The following POU2F2 variants were observed in gnomAD, a reference collection of about 807,000 sequenced individuals.
POU2F2 encodes the protein POU class 2 homeobox 2.
In POU2F2, 14 loss-of-function variants were observed where a neutral mutation model predicts 63.5. The observed-to-expected ratio is 0.22, with a 90% CI of 0.15 to 0.34. The LOEUF (loss-of-function observed/expected upper bound fraction) is 0.34. Ranked by LOEUF, POU2F2 falls within the 10% of genes least tolerant of loss-of-function variation. POU2F2 has a pLI of 1.00. For missense variants in POU2F2, 607 were observed against 815.2 expected (o/e 0.74, Z 3.11); for synonymous variants, 306 against 348.6 (o/e 0.88, Z 1.36).
chr19:42,146,431 T>C (rs1034750299), intron 2 of POU2F2, among the ~76,000 whole-genome samples: 1 of 152,232 alleles, frequency 6.6e-6, no homozygotes. Flanking sequence ...TCTGCCAATA[T>C]GAACCATTCA....
At chr19:42,098,400 G>A (rs1018706259) in intron 7 of POU2F2, among the ~76,000 whole-genome samples, 2 of 140,628 alleles carry the variant, frequency 1.4e-5, no homozygotes, top group East Asian at 2.0e-4. Context: ...GCAACAGAGC[G>A]AGACTCCATC....
chr19:42,147,622 T>A (rs1424757145), intron 2 of POU2F2, among the ~76,000 whole-genome samples: 3 of 152,214 alleles, frequency 2.0e-5, no homozygotes, highest in Non-Finnish European at 4.4e-5. Context: ...CTTAAATGGA[T>A]CCTGCATAGG....
At chr19:42,181,571 CATTTATTTATTT>C (rs143264132) in intron 1 of POU2F2, among the ~76,000 whole-genome samples, 4 of 148,496 alleles carry the variant, frequency 2.7e-5, no homozygotes, top group East Asian at 2.0e-4. Flanking sequence ...TCTGAACATA[CATTTATTTATTT>C]ATTTATTTAT....
intron 4 of POU2F2, among the ~76,000 whole-genome samples, chr19:42,120,547 T>G (rs1600112964): frequency 6.6e-6 from 1 of 152,216 alleles, no homozygotes; most frequent in East Asian, 1.9e-4. Flanking sequence ...TAAGCCTCTT[T>G]TTAATAAGCC....
At position 42,117,087 on chromosome 19, in the gene POU2F2, C is replaced by G; in HGVS notation, c.369+163G>C. 1.5e-6 allele frequency: 1 copy of G among 684,802 alleles called. No individual in the cohort carries two copies. The highest frequency in any genetic ancestry group is 1.8e-5 in the South Asian group (1 of 56,742). 42.4% of individuals were successfully genotyped at this position (684,802 alleles called of 1,614,324 possible). Reference sequence around the variant, plus strand: ...AGGCAGAGAGGGGTTAGTGCCTAAGCCAAGCAAGTAAGGGGACAAGACCTC... The same window carrying G: ...AGGCAGAGAGGGGTTAGTGCCTAAGGCAAGCAAGTAAGGGGACAAGACCTC... On this transcript the variant is annotated intron_variant, in intron 5 of 14. Transcript: ENST00000692977. The surrounding 1 kb of genome is among the most constrained non-coding windows in gnomAD (Gnocchi z 4.4).
At chr19:42,140,603 C>G (rs2034108101) in intron 2 of POU2F2, among the ~76,000 whole-genome samples, 1 of 152,222 alleles carries the variant, frequency 6.6e-6, no homozygotes, top group Non-Finnish European at 1.5e-5. Context: ...TCAAAGGCCA[C>G]TCCTCAGAGA....
chr19:42,159,440 G>A (rs1455000888), intron 2 of POU2F2, among the ~76,000 whole-genome samples: 1 of 152,068 alleles, frequency 6.6e-6, no homozygotes, highest in Non-Finnish European at 1.5e-5. Context: ...GTCCTACAAG[G>A]GCACCCAAAG....
At chr19:42,103,605 A>C (rs954663536) in intron 5 of POU2F2, among the ~76,000 whole-genome samples, 2 of 150,916 alleles carry the variant, frequency 1.3e-5, no homozygotes, top group East Asian at 1.9e-4. Flanking sequence ...TATATAAGCA[A>C]TTCAACAGAA....
chr19:42,089,710 T>TTTTATA lies in POU2F2; in HGVS notation c.*1546_*1547insTATAAA, dbSNP rs1555888544. ...GAAGAGTCCTCATCTTCTTTCCCTT[T>TTTTATA]TATATATATATATATATATATGTTT... On this transcript the variant is annotated 3_prime_UTR_variant, in exon 15 of 15. Coordinates refer to ENST00000692977, the MANE Select transcript of POU2F2 (RefSeq NM_001394376.1). The TTTTATA allele has an allele frequency of 1.4e-5, 2 of 143,712 alleles. No homozygotes were observed. The highest frequency in any genetic ancestry group is 5.1e-5 in the African/African-American group (2 of 39,464). The allele number at this position is 143,712 out of a possible 1,614,324, so 8.9% of individuals were successfully genotyped here.
intron 5 of POU2F2, chr19:42,116,905 G>A: frequency 2.0e-6 from 1 of 509,884 alleles, no homozygotes; most frequent in South Asian, 1.5e-5. Context: ...AGCGGCGTTA[G>A]CGGCAGCGGC....
At chr19:42,165,636 C>T (rs2034635195) in intron 1 of POU2F2, among the ~76,000 whole-genome samples, 1 of 152,164 alleles carries the variant, frequency 6.6e-6, no homozygotes, top group African/African-American at 2.4e-5. Flanking sequence ...ACTGTGTGGC[C>T]CTGGGCAAGT....
intron 5 of POU2F2, among the ~76,000 whole-genome samples, chr19:42,107,582 A>G (rs927616553): frequency 6.6e-6 from 1 of 152,192 alleles, no homozygotes; most frequent in African/African-American, 2.4e-5. Flanking sequence ...TCTTGGTGAC[A>G]AAGTCTCAGT....
intron 5 of POU2F2, among the ~76,000 whole-genome samples, chr19:42,111,517 G>A (rs139636979): frequency 1.3e-5 from 2 of 152,130 alleles, no homozygotes; most frequent in East Asian, 3.9e-4. Context: ...GTTCCCATGT[G>A]GATGATTAAT....
chr19:42,175,920 A>ATTCCCACCACCCAGCCCTTTCTCG (rs2034865012), intron 1 of POU2F2: 1 of 150,760 alleles, frequency 6.6e-6, no homozygotes, highest in Non-Finnish European at 1.5e-5. Context: ...CTCACCCCTC[A>ATTCCCACCACCCAGCCCTTTCTCG]TTCCCACCAC....
chr19:42,141,668 C>T (rs916679913), intron 2 of POU2F2, among the ~76,000 whole-genome samples: 18 of 151,672 alleles, frequency 1.2e-4, no homozygotes, highest in East Asian at 9.7e-4. Flanking sequence ...TTAGTAGAGA[C>T]GGGGTTTCTC....
At chr19:42,141,473 C>CT (rs58221767) in intron 2 of POU2F2, among the ~76,000 whole-genome samples, 4,757 of 98,876 alleles carry the variant, frequency 0.048, 126 homozygotes, top group African/African-American at 0.069. Context: ...CTTAATTAAT[C>CT]TTTTTTTTTT....
At chr19:42,154,151 C>T (rs2146777385) in intron 2 of POU2F2, among the ~76,000 whole-genome samples, 1 of 143,746 alleles carries the variant, frequency 7.0e-6, no homozygotes, top group African/African-American at 2.5e-5. Flanking sequence ...AAAGCAATTA[C>T]TCCAGAGGTA....
intron 2 of POU2F2, among the ~76,000 whole-genome samples, chr19:42,146,505 A>G (rs1171557144): frequency 6.6e-6 from 1 of 152,222 alleles, no homozygotes; most frequent in East Asian, 1.9e-4. Context: ...AGATTGCACA[A>G]TGCTCCCCAG....
chr19:42,174,165 C>T (rs1046820031), intron 1 of POU2F2, among the ~76,000 whole-genome samples: 3 of 152,166 alleles, frequency 2.0e-5, no homozygotes, highest in East Asian at 3.9e-4. Context: ...TCTACCCAGA[C>T]CCTGCTTCAC....
Sources: gnomAD v4.1 joint callset for allele counts (sites outside exome capture counted in the v4.1 genomes callset) on GRCh38, gnomAD v4.1.1 for gene constraint, Gnocchi (gnomAD v3.1) non-coding constraint, MANE v1.5 for transcripts, NCBI Gene and HGNC (gene_info 2026-07-23, HGNC 2026-07-21) for gene names.